The following SFXN1 variants were observed in gnomAD, a reference collection of about 807,000 sequenced individuals.
SFXN1 encodes the protein sideroflexin 1.
In SFXN1, 32 loss-of-function variants were observed where a neutral mutation model predicts 39.5. The ratio of observed to expected loss-of-function variants is 0.81; its 90% confidence interval spans 0.61 to 1.09. The LOEUF is 1.09. Ranked by LOEUF, SFXN1 falls within the 50% of genes least tolerant of loss-of-function variation. The pLI is 0.00. For synonymous variants in SFXN1, 136 were observed against 146.5 expected, an observed-to-expected ratio of 0.93 and a Z score of 0.52; for missense variants, 402 against 407.1, an observed-to-expected ratio of 0.99 and a Z score of 0.11.
At chr5:175,487,497 C>A (rs561422773) in intron 1 of SFXN1, among the ~76,000 whole-genome samples, 1 of 152,274 alleles carries the variant, frequency 6.6e-6, no homozygotes, top group East Asian at 1.9e-4. Context: ...AGATTTACCT[C>A]TCATCTTTCA....
chr5:175,509,941 C>G (rs904260657), intron 3 of SFXN1, among the ~76,000 whole-genome samples, 168 bp from the exon 4 acceptor site: 8 of 152,090 alleles, frequency 5.3e-5, no homozygotes, highest in African/African-American at 9.7e-5. Context: ...ACTGATGATC[C>G]CAGAGGATAA....
intron 6 of SFXN1, among the ~76,000 whole-genome samples, chr5:175,512,432 G>T (rs1282358354): frequency 6.6e-6 from 1 of 152,084 alleles, no homozygotes; most frequent in South Asian, 2.1e-4. Flanking sequence ...GCGGGGAGGG[G>T]GCTGATGCTG....
At chr5:175,519,799 A>G (rs180765644) in intron 8 of SFXN1, among the ~76,000 whole-genome samples, 190 of 151,790 alleles carry the variant, frequency 1.3e-3, no homozygotes, top group African/African-American at 4.3e-3. Flanking sequence ...TTGTATGTCA[A>G]TAAAGCTATT....
At chr5:175,508,316 C>A (rs973373599) in intron 2 of SFXN1, among the ~76,000 whole-genome samples, 3 of 149,836 alleles carry the variant, frequency 2.0e-5, no homozygotes, top group East Asian at 4.0e-4. Flanking sequence ...GCCTCAACCT[C>A]CCGGGCTCAA....
At chr5:175,518,518 T>C (rs895102413) in intron 8 of SFXN1, among the ~76,000 whole-genome samples, 5 of 152,148 alleles carry the variant, frequency 3.3e-5, no homozygotes, top group Admixed American at 3.3e-4. Context: ...GCAAGACACA[T>C]TGTTAAAATA....
intron 2 of SFXN1, among the ~76,000 whole-genome samples, chr5:175,501,739 C>T (rs927759810): frequency 9.2e-5 from 14 of 152,114 alleles, no homozygotes; most frequent in Non-Finnish European, 1.3e-4. Flanking sequence ...CTATGCTCAG[C>T]ATATTAGTTA....
At chr5:175,482,836 G>A (rs553518177) in intron 1 of SFXN1, among the ~76,000 whole-genome samples, 1 of 152,256 alleles carries the variant, frequency 6.6e-6, no homozygotes, top group East Asian at 1.9e-4. Context: ...CTTAAATCCG[G>A]TTCTCATTCC....
intron 1 of SFXN1, among the ~76,000 whole-genome samples, chr5:175,479,208 T>C (rs1267789025): frequency 6.6e-6 from 1 of 152,200 alleles, no homozygotes; most frequent in Non-Finnish European, 1.5e-5. Context: ...TTCACGCTTT[T>C]CTCCTGAACT....
chr5:175,488,305 C>CTTT (rs541900398), intron 1 of SFXN1, among the ~76,000 whole-genome samples: 8,085 of 143,198 alleles, frequency 0.056, 344 homozygotes, highest in South Asian at 0.12. Flanking sequence ...AGATGCATTT[C>CTTT]TTTTTTTTTT....
rs765608653 is a variant in SFXN1 at position 175,522,408 on chromosome 5, G to C, written c.858G>C (p.Leu286=). ...TTGCTACACCCCTGTGTTGTGCCCT[G>C]TTTCCTCAGAAAAGGTATGTATTTG... ...LVFATPLCCA[L]FPQKSSMSVT... is the part of the protein sequence containing the mutation. Residue 286 remains leucine, a synonymous_variant, in exon 10 of 11, where the codon CTG becomes CTC. Coordinates refer to ENST00000321442, the MANE Select transcript of SFXN1 (RefSeq NM_022754.7). The C allele has an allele frequency of 6.2e-7, 1 of 1,611,884 alleles. No individual in the cohort carries two copies. The highest frequency in any genetic ancestry group is 1.7e-5 in the Admixed American group (1 of 59,284).
chr5:175,500,169 CAA>C (rs1002051225), intron 2 of SFXN1, among the ~76,000 whole-genome samples: 2 of 151,822 alleles, frequency 1.3e-5, no homozygotes, highest in African/African-American at 2.4e-5. Flanking sequence ...GCCTGGGTGA[CAA>C]GAGAAAACTC....
chr5:175,494,323 A>G (rs975033049), intron 2 of SFXN1, among the ~76,000 whole-genome samples: 7 of 152,238 alleles, frequency 4.6e-5, no homozygotes, highest in Non-Finnish European at 5.9e-5. Context: ...CATGTCAGAA[A>G]GGGCTCAATC....
intron 8 of SFXN1, among the ~76,000 whole-genome samples, chr5:175,517,088 A>T (rs116291381): frequency 0.025 from 3,845 of 152,262 alleles, 135 homozygotes; most frequent in African/African-American, 0.085. Context: ...TGAACAGAAG[A>T]CATAGTTGGG....
chr5:175,525,994 A>G (rs1203336625), intron 10 of SFXN1: 1 of 152,086 alleles, frequency 6.6e-6, no homozygotes, highest in African/African-American at 2.4e-5. Flanking sequence ...TTTTCTTTAT[A>G]CTTTAATGAG....
At position 175,505,571 on chromosome 5, in the gene SFXN1, A is replaced by AATAATAATT. The variant is rs1365757735; in HGVS notation, c.165-3459_165-3458insAATAATTAT. Among the ~76,000 whole-genome samples the AATAATAATT allele has an allele frequency of 5.2e-5, 7 of 135,762 alleles. No individual in the cohort carries two copies. The East Asian group carries it at 8.5e-4, about 17-fold the overall frequency. The allele number at this position is 135,762 out of a possible 152,430, so 89.1% of individuals were successfully genotyped here. On this transcript the variant is annotated intron_variant, in intron 2 of 10. Coordinates refer to ENST00000321442, the MANE Select transcript of SFXN1 (RefSeq NM_022754.7). ...TAATAATAATAATAATAATAATAAT[A>AATAATAATT]ATTCTAAGGTTTATCTGGGAGAATA... is the stretch of plus-strand genomic sequence containing the variant.
intron 1 of SFXN1, among the ~76,000 whole-genome samples, chr5:175,480,918 G>C (rs1205634037): frequency 6.6e-6 from 1 of 152,186 alleles, no homozygotes; most frequent in African/African-American, 2.4e-5. Context: ...TTTTTAAAAA[G>C]GGGGGAACAA....
Position 175,529,377 on chromosome 5 carries a change from A to G in SFXN1, c.*2643A>G, listed in dbSNP as rs543887410. The G allele has an allele frequency of 6.6e-6, 1 of 152,272 alleles. No individual in the cohort carries two copies. Among genetic ancestry groups the G allele is most frequent in the East Asian group, 1.9e-4 (1 of 5,186 alleles). The allele number at this position is 152,272 out of a possible 1,614,324, so 9.4% of individuals were successfully genotyped here. On this transcript the variant is annotated 3_prime_UTR_variant, in exon 11 of 11. Coordinates refer to ENST00000321442, the MANE Select transcript of SFXN1 (RefSeq NM_022754.7). ...AGAGATTATAAAAGGGATGATGAAC[A>G]TGGAGCTGCATCTTTTTAAACGTTG...
intron 1 of SFXN1, 145 bp from the exon 2 acceptor site, chr5:175,491,950 C>A: frequency 2.0e-6 from 1 of 507,510 alleles, no homozygotes; most frequent in Non-Finnish European, 3.4e-6. Context: ...TTTAGATGGC[C>A]TTTTTGCCAT....
intron 1 of SFXN1, chr5:175,491,582 C>G (rs1759657085): frequency 6.6e-6 from 1 of 152,116 alleles, no homozygotes; most frequent in Non-Finnish European, 1.5e-5. Context: ...CAAGCGATCC[C>G]CACACCCCAC....
Sources: allele counts gnomAD v4.1 joint callset (sites outside exome capture counted in the v4.1 genomes callset), GRCh38; gene constraint gnomAD v4.1.1; transcripts MANE v1.5; gene names NCBI Gene and HGNC (gene_info 2026-07-23, HGNC 2026-07-21).